The following DAGLA variants were observed in gnomAD, a reference collection of about 807,000 sequenced individuals.
DAGLA encodes diacylglycerol lipase alpha.
Under a neutral mutation model 102.6 loss-of-function variants are expected in DAGLA, and 22 were observed. The observed-to-expected ratio is 0.21, with a 90% CI of 0.15 to 0.31. DAGLA has a LOEUF of 0.31. Ranked by LOEUF, DAGLA falls within the 10% of genes least tolerant of loss-of-function variation. DAGLA has a pLI of 1.00. For missense variants in DAGLA, 927 were observed against 1,446.6 expected (o/e 0.64, Z 5.83); for synonymous variants, 578 against 628.9 (o/e 0.92, Z 1.21).
intron 5 of DAGLA, 52 bp downstream of exon 5, chr11:61,723,624 G>T: frequency 6.3e-7 from 1 of 1,596,430 alleles, no homozygotes; most frequent in Non-Finnish European, 8.6e-7. Flanking sequence ...GCTGTCTGGT[G>T]AGCAGAGGTC....
chr11:61,696,416 C>T (rs889227611), intron 1 of DAGLA, among the ~76,000 whole-genome samples: 1 of 152,106 alleles, frequency 6.6e-6, no homozygotes. Flanking sequence ...AGGACACCAC[C>T]CCCACTTCCC....
At chr11:61,690,727 G>A (rs2065016795) in intron 1 of DAGLA, among the ~76,000 whole-genome samples, 1 of 152,166 alleles carries the variant, frequency 6.6e-6, no homozygotes, top group South Asian at 2.1e-4. Flanking sequence ...CTCTCAGGGT[G>A]TGCACATTCC....
chr11:61,728,008 G>T lies in DAGLA; in HGVS notation c.637-145G>T. On this transcript the variant is annotated intron_variant, in intron 6 of 19. Transcript: ENST00000257215. Reference sequence around the variant, plus strand: ...CATGGGGTCAGGCTCAGTGGGCGCTGTGGAGGTGCTGGGGAGAACCTGTCC... The same window carrying T: ...CATGGGGTCAGGCTCAGTGGGCGCTTTGGAGGTGCTGGGGAGAACCTGTCC... The T allele has an allele frequency of 3.4e-6, 3 of 894,928 alleles. No individual in the cohort carries two copies. The South Asian group carries it at 4.7e-5, about 14-fold the overall frequency. The allele number at this position is 894,928 out of a possible 1,614,324, so 55.4% of individuals were successfully genotyped here. A position where few individuals can be genotyped will look rare whatever the true frequency, so the allele number is the denominator to read the frequency against.
At chr11:61,727,090 C>T (rs763258686) in intron 6 of DAGLA, among the ~76,000 whole-genome samples, 6 of 152,230 alleles carry the variant, frequency 3.9e-5, no homozygotes, top group Non-Finnish European at 8.8e-5. Context: ...GAAAAGATAG[C>T]ACATCACAGC....
intron 5 of DAGLA, among the ~76,000 whole-genome samples, chr11:61,723,895 A>G (rs927742217): frequency 6.6e-5 from 10 of 152,252 alleles, no homozygotes; most frequent in African/African-American, 2.2e-4. Flanking sequence ...GATAATAACA[A>G]TGGTAATAAC....
At chr11:61,695,422 G>C (rs1445086973) in intron 1 of DAGLA, among the ~76,000 whole-genome samples, 1 of 152,202 alleles carries the variant, frequency 6.6e-6, no homozygotes, top group Admixed American at 6.5e-5. Context: ...TCGAGTTCAT[G>C]TCCCCAGAAG....
intron 1 of DAGLA, among the ~76,000 whole-genome samples, chr11:61,699,282 A>G (rs948334387): frequency 1.3e-5 from 2 of 152,138 alleles, no homozygotes; most frequent in African/African-American, 4.8e-5. Flanking sequence ...TGTTGGCCTT[A>G]CTGCCCTGGA....
intron 1 of DAGLA, among the ~76,000 whole-genome samples, chr11:61,701,476 C>T (rs570205607): frequency 6.6e-6 from 1 of 152,212 alleles, no homozygotes; most frequent in African/African-American, 2.4e-5. Context: ...GTGGATTGTA[C>T]GAACCTGGAG....
rs572156223 is a variant in DAGLA, at chr11:61,744,743, G to A, written c.*254G>A. 7 of 445,018 alleles carry A rather than the reference G, an allele frequency of 1.6e-5. No homozygotes were observed. The South Asian group carries it at 2.9e-4, about 18-fold the overall frequency. 27.6% of individuals were successfully genotyped at this position (445,018 alleles called of 1,614,324 possible). A position where few individuals can be genotyped will look rare whatever the true frequency, so the allele number is the denominator to read the frequency against. On this transcript the variant is annotated 3_prime_UTR_variant, in exon 20 of 20. Coordinates refer to ENST00000257215, the MANE Select transcript of DAGLA (RefSeq NM_006133.3). ...TGTGGAGTGGGGAGGAGCCTGGGCAGCCTGCTGGGTGGGCCACACTCAGCC... is the reference window on the plus strand; with the variant it reads ...TGTGGAGTGGGGAGGAGCCTGGGCAACCTGCTGGGTGGGCCACACTCAGCC...
rs1470193666 is a variant in DAGLA at position 61,686,909 on chromosome 11, C to T, written c.-45+6405C>T. ...ACACCGTGGAGTGGGCTCCCTGGGG[C>T]TGCACCTCTGTCTCCTGGGGACAGG... On this transcript the variant is annotated intron_variant, in intron 1 of 19. Transcript: ENST00000257215. This position sits in a 1 kb window ranked among gnomAD's most constrained non-coding sequence, Gnocchi z 5.2. Among the ~76,000 whole-genome samples the T allele has an allele frequency of 6.6e-6, 1 of 152,194 alleles. No homozygotes were observed. Among genetic ancestry groups the T allele is most frequent in the Non-Finnish European group, 1.5e-5 (1 of 68,024 alleles).
chr11:61,686,913 AC>A lies in DAGLA; in HGVS notation c.-45+6411del, dbSNP rs1204248212. Among the ~76,000 whole-genome samples, 1 of 151,980 alleles carries A rather than the reference AC, an allele frequency of 6.6e-6. No individual in the cohort carries two copies. Among genetic ancestry groups the A allele is most frequent in the East Asian group, 1.9e-4 (1 of 5,178 alleles). On this transcript the variant is annotated intron_variant, in intron 1 of 19. Transcript: ENST00000257215. This position sits in a 1 kb window ranked among gnomAD's most constrained non-coding sequence, Gnocchi z 5.2. ...CGTGGAGTGGGCTCCCTGGGGCTGCACCTCTGTCTCCTGGGGACAGGGCCCT... is the reference window on the plus strand; with the variant it reads ...CGTGGAGTGGGCTCCCTGGGGCTGCACTCTGTCTCCTGGGGACAGGGCCCT...
In DAGLA at chr11:61,704,377, C is replaced by T. The variant is rs2065133803; in HGVS notation, c.-44-15735C>T. On this transcript the variant is annotated intron_variant, in intron 1 of 19. Transcript: ENST00000257215. ...TCAGGTGATCTGCCTGCCTCAGCCTCCCAAAGTGCTGGGATTACAGGCGTG... is the reference window on the plus strand; with the variant it reads ...TCAGGTGATCTGCCTGCCTCAGCCTTCCAAAGTGCTGGGATTACAGGCGTG... Among the ~76,000 whole-genome samples, 3 of 152,342 alleles carry T rather than the reference C, an allele frequency of 2.0e-5. 1 individual carries two copies. The South Asian group carries it at 6.2e-4, about 32-fold the overall frequency.
chr11:61,732,954 C>T (rs949487770), intron 9 of DAGLA, among the ~76,000 whole-genome samples: 6 of 152,014 alleles, frequency 3.9e-5, no homozygotes, highest in Non-Finnish European at 5.9e-5. Flanking sequence ...CCCTCCCATC[C>T]GGGGTGCTGG....
At chr11:61,726,444 G>T (rs1376363115) in intron 6 of DAGLA, among the ~76,000 whole-genome samples, 1 of 152,250 alleles carries the variant, frequency 6.6e-6, no homozygotes, top group Non-Finnish European at 1.5e-5. Context: ...TGGCAAAGCC[G>T]ATAGGCGTTT....
intron 1 of DAGLA, among the ~76,000 whole-genome samples, chr11:61,701,753 G>A (rs12274859): frequency 0.05 from 7,645 of 152,168 alleles, 664 homozygotes; most frequent in African/African-American, 0.17. Flanking sequence ...GTCACACAGC[G>A]GCAGTCAGTG....
chr11:61,707,813 C>T (rs886603995), intron 1 of DAGLA, among the ~76,000 whole-genome samples: 5 of 147,636 alleles, frequency 3.4e-5, no homozygotes, highest in Admixed American at 2.7e-4. Flanking sequence ...TGGGCGTGCC[C>T]GGCCGGCAGG....
intron 1 of DAGLA, among the ~76,000 whole-genome samples, chr11:61,685,027 G>T (rs539748251): frequency 4.6e-5 from 7 of 152,250 alleles, no homozygotes; most frequent in African/African-American, 1.7e-4. Context: ...CTACCTGGGG[G>T]CGTCTCACAC....
At chr11:61,717,682 C>CT (rs1215177640) in intron 1 of DAGLA, among the ~76,000 whole-genome samples, 6 of 152,198 alleles carry the variant, frequency 3.9e-5, no homozygotes, top group Non-Finnish European at 8.8e-5. Context: ...GCCTCTGTGC[C>CT]TCGGATTCTA....
chr11:61,718,266 A>G (rs1441423284), intron 1 of DAGLA, among the ~76,000 whole-genome samples: 1 of 152,054 alleles, frequency 6.6e-6, no homozygotes, highest in East Asian at 1.9e-4. Context: ...ATGCGGCTCT[A>G]CAGCACCTGC....
Sources: gnomAD v4.1 joint callset for allele counts (sites outside exome capture counted in the v4.1 genomes callset) on GRCh38, gnomAD v4.1.1 for gene constraint, Gnocchi (gnomAD v3.1) non-coding constraint, MANE v1.5 for transcripts, NCBI Gene and HGNC (gene_info 2026-07-23, HGNC 2026-07-21) for gene names.